ULK2: variants seen among roughly 807,000 people sequenced by gnomAD.
ULK2 encodes the protein serine/threonine-protein kinase ULK2.
In ULK2, 76 loss-of-function variants were observed where a neutral mutation model predicts 127.5. The observed-to-expected ratio is 0.60, with a 90% CI of 0.50 to 0.72. The LOEUF (loss-of-function observed/expected upper bound fraction) is 0.72. Among genes scored for constraint, ULK2 ranks in the 30% least tolerant of loss-of-function variants. The pLI, the probability that ULK2 is intolerant of heterozygous loss-of-function variation, is 0.00. For synonymous variants in ULK2, 452 were observed against 461.9 expected, an observed-to-expected ratio of 0.98 and a Z score of 0.28; for missense variants, 1,144 against 1,295.9, an observed-to-expected ratio of 0.88 and a Z score of 1.80.
intron 9 of ULK2, among the ~76,000 whole-genome samples, chr17:19,838,961 G>T (rs1446005216): frequency 6.6e-6 from 1 of 151,734 alleles, no homozygotes; most frequent in Non-Finnish European, 1.5e-5. Context: ...AACCCGGGAG[G>T]TGGAGCTTGC....
chr17:19,784,212 T>C (rs1167523871), intron 21 of ULK2, among the ~76,000 whole-genome samples: 3 of 152,100 alleles, frequency 2.0e-5, no homozygotes, highest in African/African-American at 7.2e-5. Flanking sequence ...ATTATAAAAC[T>C]CAATGGATGC....
chr17:19,844,170 T>C lies in ULK2; in HGVS notation c.544-948A>G, dbSNP rs572906710. Among the ~76,000 whole-genome samples, 174 of 152,364 alleles carry C rather than the reference T, an allele frequency of 1.1e-3. 1 individual carries two copies. Among genetic ancestry groups the C allele is most frequent in the African/African-American group, 3.9e-3 (164 of 41,586 alleles). On this transcript the variant is annotated intron_variant, in intron 7 of 26. Coordinates refer to ENST00000395544, the MANE Select transcript of ULK2 (RefSeq NM_014683.4). ...CAAAACCATTTCTCTGCTGCTTTGT[T>C]ACGGGTATTTTCCCACCTCTCATCA...
chr17:19,851,595 G>A (rs926197048), intron 3 of ULK2, among the ~76,000 whole-genome samples: 1 of 151,604 alleles, frequency 6.6e-6, no homozygotes, highest in African/African-American at 2.4e-5. Flanking sequence ...AGCTGAGACC[G>A]CGCCACTGCA....
chr17:19,858,948 C>A (rs765811958), intron 3 of ULK2, among the ~76,000 whole-genome samples: 1 of 151,434 alleles, frequency 6.6e-6, no homozygotes, highest in Non-Finnish European at 1.5e-5. Flanking sequence ...CCAACCTGGG[C>A]AACAGAGTGA....
intron 20 of ULK2, among the ~76,000 whole-genome samples, chr17:19,791,152 T>C (rs967244736): frequency 6.6e-6 from 1 of 152,224 alleles, no homozygotes; most frequent in Non-Finnish European, 1.5e-5. Context: ...AGGACCTAAC[T>C]GATATTTACA....
chr17:19,779,617 C>G (rs1208993919), intron 25 of ULK2, among the ~76,000 whole-genome samples: 5 of 150,754 alleles, frequency 3.3e-5, no homozygotes, highest in African/African-American at 1.2e-4. Flanking sequence ...TCAACAGCCT[C>G]TATTTTTATT....
At chr17:19,778,692 C>T (rs1200152859) in intron 25 of ULK2, among the ~76,000 whole-genome samples, 1 of 152,272 alleles carries the variant, frequency 6.6e-6, no homozygotes, top group East Asian at 1.9e-4. Context: ...TGAGCTCAAG[C>T]AATCCTCTTG....
At chr17:19,815,558 G>A (rs563945780) in intron 13 of ULK2, among the ~76,000 whole-genome samples, 2 of 152,310 alleles carry the variant, frequency 1.3e-5, no homozygotes, top group Non-Finnish European at 2.9e-5. Flanking sequence ...TGGGATTACA[G>A]GCGTAAGCCA....
Position 19,816,856 on chromosome 17 carries a change from T to C in ULK2, c.989A>G (p.Asn330Ser), listed in dbSNP as rs769555369. 2.5e-6 allele frequency: 4 copies of C among 1,612,488 alleles called. No homozygotes were observed. Among genetic ancestry groups the C allele is most frequent in the African/African-American group, 2.7e-5 (2 of 74,846 alleles). Residue 330 changes from asparagine (N) to serine (S), a missense_variant, in exon 13 of 27, where the codon AAC (asparagine) becomes AGC (serine). Asn to Ser is a conservative substitution (Grantham distance 46, BLOSUM62 1). Coordinates refer to ENST00000395544, the MANE Select transcript of ULK2 (RefSeq NM_014683.4). ...AGAATCTTTGGAAACTTGTAGATAG[T>C]TGGGAGGACCCAATGGTGGGGAAGA... Reference protein sequence around the residue: ...NLSSPPLGPPNYLQVSKDSAS... With the variant: ...NLSSPPLGPPSYLQVSKDSAS...
chr17:19,844,842 G>A (rs2041842358), intron 7 of ULK2, among the ~76,000 whole-genome samples: 1 of 152,102 alleles, frequency 6.6e-6, no homozygotes, highest in Admixed American at 6.6e-5. Flanking sequence ...TATATGAGAG[G>A]ATAAAGGGGA....
chr17:19,809,928 A>C (rs573560906), intron 14 of ULK2, among the ~76,000 whole-genome samples: 1 of 151,510 alleles, frequency 6.6e-6, no homozygotes, highest in African/African-American at 2.4e-5. Context: ...ACTAAATAAA[A>C]TTTCAAGAAA....
intron 13 of ULK2, among the ~76,000 whole-genome samples, chr17:19,813,458 A>C (rs1274258641): frequency 6.6e-6 from 1 of 152,220 alleles, no homozygotes; most frequent in African/African-American, 2.4e-5. Flanking sequence ...TATGACCAAA[A>C]AAAGATAAAA....
chr17:19,849,195 A>G (rs947300505), intron 5 of ULK2, among the ~76,000 whole-genome samples, 174 bp downstream of exon 5: 1 of 149,876 alleles, frequency 6.7e-6, no homozygotes, highest in Non-Finnish European at 1.5e-5. Flanking sequence ...CAAAACCACA[A>G]ACAACAACAA....
At chr17:19,825,337 C>A (rs1056948824) in intron 11 of ULK2, among the ~76,000 whole-genome samples, 155 bp from the exon 12 acceptor site, 1 of 152,166 alleles carries the variant, frequency 6.6e-6, no homozygotes, top group Non-Finnish European at 1.5e-5. Flanking sequence ...ACTAAAAATG[C>A]AGCAATTACT....
intron 10 of ULK2, among the ~76,000 whole-genome samples, chr17:19,827,340 A>G (rs545808394): frequency 6.6e-6 from 1 of 152,300 alleles, no homozygotes; most frequent in Non-Finnish European, 1.5e-5. Flanking sequence ...CCAATGTCAA[A>G]GAGTTAGTAA....
intron 9 of ULK2, 149 bp from the exon 10 acceptor site, chr17:19,838,732 A>G (rs866054253): frequency 3.1e-6 from 2 of 651,104 alleles, no homozygotes; most frequent in Middle Eastern, 5.7e-4. Flanking sequence ...AGAGTCATCT[A>G]AAGAAGGGAA....
chr17:19,863,038 ACT>A (rs2042275366), intron 3 of ULK2, among the ~76,000 whole-genome samples: 1 of 151,860 alleles, frequency 6.6e-6, no homozygotes, highest in Non-Finnish European at 1.5e-5. Flanking sequence ...ACATGGTGAA[ACT>A]CTGTCTCTAC....
chr17:19,786,713 C>CA (rs71157831), intron 20 of ULK2, among the ~76,000 whole-genome samples: 18 of 127,898 alleles, frequency 1.4e-4, no homozygotes, highest in East Asian at 1.4e-3. Flanking sequence ...GGCTCCGTCT[C>CA]AAAAAAAAAA....
At chr17:19,802,716 C>A (rs1398259770) in intron 15 of ULK2, among the ~76,000 whole-genome samples, 1 of 152,182 alleles carries the variant, frequency 6.6e-6, no homozygotes, top group Non-Finnish European at 1.5e-5. Flanking sequence ...CAAAACTCAG[C>A]AAGTGGTCGT....
Sources: allele counts gnomAD v4.1 joint callset (sites outside exome capture counted in the v4.1 genomes callset), GRCh38; gene constraint gnomAD v4.1.1; transcripts MANE v1.5; gene names NCBI Gene and HGNC (gene_info 2026-07-23, HGNC 2026-07-21).